AUTS2: variants seen among roughly 807,000 people sequenced by gnomAD.
AUTS2 encodes the protein activator of transcription and developmental regulator AUTS2.
Under a neutral mutation model 112.4 loss-of-function variants are expected in AUTS2, and 17 were observed. That is an observed-to-expected ratio of 0.15 (90% CI 0.10 to 0.23). The LOEUF (loss-of-function observed/expected upper bound fraction) is 0.23. Among genes scored for constraint, AUTS2 ranks in the 10% least tolerant of loss-of-function variants. AUTS2 has a pLI of 1.00. For missense variants in AUTS2, 1,510 were observed against 1,701.6 expected, an observed-to-expected ratio of 0.89 and a Z score of 1.98; for synonymous variants, 751 against 702.7, an observed-to-expected ratio of 1.07 and a Z score of -1.09.
At chr7:70,438,731 C>G (rs991821620) in intron 5 of AUTS2, among the ~76,000 whole-genome samples, 2 of 152,198 alleles carry the variant, frequency 1.3e-5, no homozygotes, top group Non-Finnish European at 2.9e-5. Flanking sequence ...GTGCCCCCCT[C>G]GAAGCCCCAG....
intron 2 of AUTS2, among the ~76,000 whole-genome samples, chr7:70,060,049 A>G (rs1802173406): frequency 6.6e-6 from 1 of 152,244 alleles, no homozygotes; most frequent in African/African-American, 2.4e-5. Context: ...GCATTTCAGT[A>G]CAGTGTCTTC....
chr7:69,899,397 A>G lies in AUTS2; in HGVS notation c.421A>G (p.Arg141Gly), dbSNP rs755851980. 1.9e-6 allele frequency: 3 copies of G among 1,613,964 alleles called. No homozygotes were observed. The highest frequency in any genetic ancestry group is 1.7e-5 in the Admixed American group (1 of 59,998). The change falls in exon 2 of 19, where the codon AGA becomes GGA. Residue 141 changes from arginine to glycine, a missense_variant. Arg to Gly is a moderately radical substitution (Grantham distance 125). Around this residue, in one of 3 missense-constraint regions of AUTS2, gnomAD observed 535 missense variants for 594.3 expected, o/e 0.90. Coordinates refer to ENST00000342771, the MANE Select transcript of AUTS2 (RefSeq NM_015570.4). ...NGLSFHSKKS[R>G]LSHPHHYSSD... is the part of the protein sequence containing the mutation. ...CTTGTCCTTTCATTCAAAGAAGAGCAGACTCAGCCACCCACACCACTACAG... is the reference window on the plus strand; with the variant it reads ...CTTGTCCTTTCATTCAAAGAAGAGCGGACTCAGCCACCCACACCACTACAG...
At chr7:70,139,804 G>A (rs2037841405) in intron 4 of AUTS2, among the ~76,000 whole-genome samples, 1 of 152,078 alleles carries the variant, frequency 6.6e-6, no homozygotes, top group African/African-American at 2.4e-5. Flanking sequence ...TTCGAGACCA[G>A]CCTGGCCAAC....
At chr7:70,085,100 C>G (rs1803526165) in intron 2 of AUTS2, among the ~76,000 whole-genome samples, 1 of 152,150 alleles carries the variant, frequency 6.6e-6, no homozygotes. Context: ...TGTTCTCGAA[C>G]TTCTGAGCTC....
At chr7:69,844,709 T>C (rs773079306) in intron 1 of AUTS2, among the ~76,000 whole-genome samples, 1 of 152,178 alleles carries the variant, frequency 6.6e-6, no homozygotes, top group Non-Finnish European at 1.5e-5. Flanking sequence ...ACCTCAGCTC[T>C]CTAGATCTGT....
At chr7:70,079,355 A>G (rs955433657) in intron 2 of AUTS2, among the ~76,000 whole-genome samples, 13 of 152,088 alleles carry the variant, frequency 8.5e-5, no homozygotes, top group Non-Finnish European at 1.9e-4. Flanking sequence ...AAAAATAATT[A>G]GATGGGTATG....
At chr7:70,753,950 A>G (rs1269015189) in intron 6 of AUTS2, among the ~76,000 whole-genome samples, 1 of 150,924 alleles carries the variant, frequency 6.6e-6, no homozygotes, top group Non-Finnish European at 1.5e-5. Context: ...AGGTCAGGAG[A>G]TCGAGACCAT....
intron 5 of AUTS2, among the ~76,000 whole-genome samples, chr7:70,474,114 G>A (rs1797494082): frequency 6.6e-6 from 1 of 152,142 alleles, no homozygotes. Flanking sequence ...AACCCCTGAT[G>A]TACTCTGGCA....
intron 6 of AUTS2, among the ~76,000 whole-genome samples, chr7:70,747,778 G>A (rs371688655): frequency 1.8e-4 from 28 of 151,694 alleles, no homozygotes; most frequent in African/African-American, 5.3e-4. Context: ...GAGCCACTGC[G>A]CCCAGCCCAG....
intron 15 of AUTS2, chr7:70,783,797 C>T (rs1036525916): frequency 2.0e-5 from 3 of 152,218 alleles, no homozygotes; most frequent in Non-Finnish European, 4.4e-5. Flanking sequence ...GCAAATCTCT[C>T]GTCTAGGACA....
At chr7:69,939,127 G>T (rs992109195) in intron 2 of AUTS2, among the ~76,000 whole-genome samples, 6 of 152,142 alleles carry the variant, frequency 3.9e-5, no homozygotes, top group African/African-American at 1.4e-4. Flanking sequence ...TTTAACATGT[G>T]TATCAACTTT....
intron 4 of AUTS2, among the ~76,000 whole-genome samples, chr7:70,179,004 C>A (rs1432063528): frequency 1.3e-5 from 2 of 152,156 alleles, no homozygotes; most frequent in African/African-American, 4.8e-5. Flanking sequence ...ACTTTCCTGG[C>A]TTGCCTTCTC....
intron 2 of AUTS2, among the ~76,000 whole-genome samples, chr7:69,962,145 T>G (rs1362831100): frequency 6.6e-6 from 1 of 152,176 alleles, no homozygotes; most frequent in African/African-American, 2.4e-5. Flanking sequence ...TCAACTCTTC[T>G]TCCTTACAAG....
intron 4 of AUTS2, among the ~76,000 whole-genome samples, chr7:70,434,495 C>T (rs1562955109): frequency 6.6e-6 from 1 of 152,246 alleles, no homozygotes; most frequent in Non-Finnish European, 1.5e-5. Context: ...ATCCCTGTTA[C>T]TTGCTTCCCA....
intron 5 of AUTS2, among the ~76,000 whole-genome samples, chr7:70,545,863 G>C (rs900879358): frequency 9.9e-5 from 15 of 152,270 alleles, no homozygotes; most frequent in South Asian, 2.1e-4. Context: ...AGAAGGAGTG[G>C]GGGGAGTGGG....
intron 4 of AUTS2, among the ~76,000 whole-genome samples, chr7:70,348,670 C>A (rs375279681): frequency 6.6e-6 from 1 of 152,060 alleles, no homozygotes; most frequent in Non-Finnish European, 1.5e-5. Context: ...ATTAGCCAGG[C>A]GAGGTGGCGG....
At chr7:70,280,207 T>C (rs755466539) in intron 4 of AUTS2, among the ~76,000 whole-genome samples, 2 of 152,132 alleles carry the variant, frequency 1.3e-5, no homozygotes, top group Non-Finnish European at 1.5e-5. Context: ...CCCACTCCTC[T>C]ACTCTCTTCA....
rs545676547 is a variant in AUTS2 at position 70,698,720 on chromosome 7, A to C, written c.742+100A>C. On this transcript the variant is annotated intron_variant, in intron 6 of 18. Coordinates refer to ENST00000342771, the MANE Select transcript of AUTS2 (RefSeq NM_015570.4). ...AGAGCTAGAGTGATCTTTCTCTTAT[A>C]ATTCTGAAGCTACTGTTGATGTTTC... The C allele has an allele frequency of 3.1e-6, 3 of 960,730 alleles. 1 individual carries two copies. In the African/African-American group the frequency reaches 4.9e-5, roughly 16 times the overall value. 59.5% of individuals were successfully genotyped at this position (960,730 alleles called of 1,614,324 possible).
chr7:70,445,020 C>A (rs150307858), intron 5 of AUTS2, among the ~76,000 whole-genome samples: 2 of 152,114 alleles, frequency 1.3e-5, no homozygotes, highest in African/African-American at 2.4e-5. Flanking sequence ...ATAATAAGCA[C>A]CACTTCACAT....
Sources: gnomAD v4.1 joint callset for allele counts (sites outside exome capture counted in the v4.1 genomes callset) on GRCh38, gnomAD v4.1.1 for gene constraint, gnomAD v4.1.1 regional missense constraint, MANE v1.5 for transcripts, NCBI Gene and HGNC (gene_info 2026-07-23, HGNC 2026-07-21) for gene names.